The following GNAQ variants were observed in gnomAD, a reference collection of about 807,000 sequenced individuals.
GNAQ encodes G protein subunit alpha q, also known as guanine nucleotide-binding protein G(q) subunit alpha.
Under a neutral mutation model 43.9 loss-of-function variants are expected in GNAQ, and 8 were observed. That is an observed-to-expected ratio of 0.18 (90% CI 0.11 to 0.33). The LOEUF is 0.33. Among genes scored for constraint, GNAQ ranks in the 10% least tolerant of loss-of-function variants. GNAQ has a pLI of 1.00. For synonymous variants in GNAQ, 155 were observed against 170.7 expected (o/e 0.91, Z 0.71); for missense variants, 158 against 450.8 (o/e 0.35, Z 5.88).
At chr9:77,892,031 ATTGT>A (rs998819874) in intron 2 of GNAQ, among the ~76,000 whole-genome samples, 1 of 152,072 alleles carries the variant, frequency 6.6e-6, no homozygotes, top group African/African-American at 2.4e-5. Context: ...CACCCCCCAG[ATTGT>A]TTTTTTGTTT....
intron 5 of GNAQ, among the ~76,000 whole-genome samples, chr9:77,746,070 G>A (rs1190712032): frequency 6.6e-6 from 1 of 152,090 alleles, no homozygotes; most frequent in Non-Finnish European, 1.5e-5. Context: ...TTTTTGAAAG[G>A]GATCATTGGA....
chr9:77,911,671 G>C (rs891092748), intron 2 of GNAQ, among the ~76,000 whole-genome samples: 6 of 152,118 alleles, frequency 3.9e-5, no homozygotes, highest in African/African-American at 1.4e-4. Context: ...TAAGAAACTC[G>C]AAGGGATTCT....
At chr9:77,835,633 C>CA (rs1182194638) in intron 2 of GNAQ, among the ~76,000 whole-genome samples, 1 of 152,158 alleles carries the variant, frequency 6.6e-6, no homozygotes, top group African/African-American at 2.4e-5. Context: ...AAGCAGTTAA[C>CA]ACAGAGTATG....
chr9:77,935,945 T>A (rs1251786199), intron 1 of GNAQ, among the ~76,000 whole-genome samples: 1 of 152,174 alleles, frequency 6.6e-6, no homozygotes, highest in East Asian at 1.9e-4. Flanking sequence ...CATGGAAATA[T>A]GCCTTCTTCC....
rs114584762 is a variant in GNAQ at position 77,959,541 on chromosome 9, G to A, written c.137-37196C>T. Among the ~76,000 whole-genome samples the A allele has an allele frequency of 9.9e-3, 1,507 of 152,202 alleles. 27 individuals carry two copies. Among genetic ancestry groups the A allele is most frequent in the African/African-American group, 0.034 (1,426 of 41,522 alleles). On this transcript the variant is annotated intron_variant, in intron 1 of 6. Transcript: ENST00000286548. The stretch of plus-strand genomic sequence containing the variant: ...AGATAAATTTTCTAAACTATCATTT[G>A]CAAATTTCAATCTGCATGAAAGTAT...
chr9:78,018,636 G>A lies in GNAQ; in HGVS notation c.136+12464C>T, dbSNP rs1003001695. Among the ~76,000 whole-genome samples the A allele has an allele frequency of 5.9e-4, 89 of 151,818 alleles. 4 individuals carry two copies. The highest frequency in any genetic ancestry group is 1.5e-5 in the Non-Finnish European group (1 of 67,954). ...AAACATTTCTTCTCGACTCAAACTT[G>A]GACTGTCTATTAAGCACAATAGCTT... On this transcript the variant is annotated intron_variant, in intron 1 of 6. Coordinates refer to ENST00000286548, the MANE Select transcript of GNAQ (RefSeq NM_002072.5).
intron 1 of GNAQ, among the ~76,000 whole-genome samples, chr9:78,007,495 A>T (rs529321334): frequency 6.6e-6 from 1 of 152,214 alleles, no homozygotes; most frequent in South Asian, 2.1e-4. Context: ...GGGTTCTAAA[A>T]ATTTATATGC....
intron 1 of GNAQ, among the ~76,000 whole-genome samples, chr9:77,981,339 T>C (rs1308724964): frequency 6.6e-6 from 1 of 152,244 alleles, no homozygotes; most frequent in Non-Finnish European, 1.5e-5. Context: ...TCAGTCCTTT[T>C]GTTTATGAAG....
At chr9:77,912,451 C>G (rs968424842) in intron 2 of GNAQ, among the ~76,000 whole-genome samples, 2 of 152,010 alleles carry the variant, frequency 1.3e-5, no homozygotes, top group African/African-American at 4.8e-5. Flanking sequence ...TAAAGAACTT[C>G]GAAGAAAATC....
At chr9:77,959,875 T>C (rs1240429273) in intron 1 of GNAQ, among the ~76,000 whole-genome samples, 6 of 152,202 alleles carry the variant, frequency 3.9e-5, no homozygotes, top group East Asian at 1.9e-4. Context: ...GGTGGCACCA[T>C]GGTTCTAGGA....
At chr9:77,794,666 T>G (rs1587919508) in intron 4 of GNAQ, 74 bp from the exon 5 acceptor site, 1 of 789,728 alleles carries the variant, frequency 1.3e-6, no homozygotes, top group South Asian at 2.3e-5. Context: ...ATAGCACTAC[T>G]TACAAACTTA....
chr9:78,008,345 A>G (rs34688006), intron 1 of GNAQ, among the ~76,000 whole-genome samples: 25,036 of 152,240 alleles, frequency 0.16, 2,167 homozygotes, highest in African/African-American at 0.19. Context: ...GGCCAGCCAC[A>G]TGGGCTCAGG....
chr9:77,987,798 AG>A (rs1823460467), intron 1 of GNAQ, among the ~76,000 whole-genome samples: 1 of 152,166 alleles, frequency 6.6e-6, no homozygotes, highest in Non-Finnish European at 1.5e-5. Flanking sequence ...TGGGTGGCTG[AG>A]GCAGGAGGAT....
At position 77,797,505 on chromosome 9, in the gene GNAQ, G is replaced by A. The variant is rs2118454757; in HGVS notation, c.605+15C>T. 1 of 1,604,088 alleles carries A rather than the reference G, an allele frequency of 6.2e-7. No homozygotes were observed. The highest frequency in any genetic ancestry group is 1.1e-5 in the South Asian group (1 of 90,806). ...ATAAAAGCTGGGAAATAGGTTTCAT[G>A]GACTCAGTTACTACCTGAAAATGAC... On this transcript the variant is annotated intron_variant, in intron 4 of 6. Transcript: ENST00000286548.
At position 77,728,553 on chromosome 9, in the gene GNAQ, T is replaced by C. The variant is rs1273681754; in HGVS notation, c.850A>G (p.Met284Val). 2 of 1,603,486 alleles carry C rather than the reference T, an allele frequency of 1.2e-6. No individual in the cohort carries two copies. Among genetic ancestry groups the C allele is most frequent in the South Asian group, 2.2e-5 (2 of 90,856 alleles). The change falls in exon 6 of 7, where the codon ATG (methionine) becomes GTG (valine). Residue 284 changes from methionine to valine, a missense_variant. Met to Val is a conservative substitution (Grantham distance 21). Around this residue, in one of 9 missense-constraint regions of GNAQ, gnomAD observed 56 missense variants for 172.2 expected, o/e 0.33. Coordinates refer to ENST00000286548, the MANE Select transcript of GNAQ (RefSeq NM_002072.5). ...NKKDLLEEKI[M>V]YSHLVDYFPE... ...AAGTAGTCGACTAGATGGGAATACA[T>C]GATTTTCTCCTCTAGAAGATCTTTC... is the stretch of plus-strand genomic sequence containing the variant.
intron 2 of GNAQ, among the ~76,000 whole-genome samples, chr9:77,867,211 AGTGCTCACT>A (rs932822924): frequency 1.3e-5 from 2 of 152,184 alleles, no homozygotes; most frequent in African/African-American, 4.8e-5. Context: ...ACTCTCAAAG[AGTGCTCACT>A]GTGCTACTCA....
intron 1 of GNAQ, among the ~76,000 whole-genome samples, chr9:77,997,655 C>T (rs1355503860): frequency 2.0e-5 from 3 of 152,104 alleles, no homozygotes; most frequent in Non-Finnish European, 2.9e-5. Context: ...GAGGCTGCTC[C>T]GCCACATCAA....
chr9:77,904,115 G>A (rs900460884), intron 2 of GNAQ, among the ~76,000 whole-genome samples: 2 of 152,084 alleles, frequency 1.3e-5, no homozygotes, highest in Non-Finnish European at 2.9e-5. Context: ...TTGCCTGGTA[G>A]GCTGAACACT....
chr9:77,812,409 G>A (rs1177125733), intron 3 of GNAQ, among the ~76,000 whole-genome samples: 1 of 152,102 alleles, frequency 6.6e-6, no homozygotes, highest in Non-Finnish European at 1.5e-5. Context: ...TAGTCACAAC[G>A]TTTAACTTGA....
Sources: gnomAD v4.1 joint callset for allele counts (sites outside exome capture counted in the v4.1 genomes callset) on GRCh38, gnomAD v4.1.1 for gene constraint, gnomAD v4.1.1 regional missense constraint, MANE v1.5 for transcripts, NCBI Gene and HGNC (gene_info 2026-07-23, HGNC 2026-07-21) for gene names.